TRIM24: variants seen among roughly 807,000 people sequenced by gnomAD.
TRIM24 encodes transcription intermediary factor 1-alpha.
TRIM24 carries 29 observed loss-of-function variants against 123.9 expected under a neutral mutation model. The ratio of observed to expected loss-of-function variants is 0.23; its 90% confidence interval spans 0.17 to 0.32. The LOEUF (loss-of-function observed/expected upper bound fraction) is 0.32, where lower values mean the gene tolerates loss of function less well. Among genes scored for constraint, TRIM24 ranks in the 10% least tolerant of loss-of-function variants. The pLI, the probability that TRIM24 is intolerant of heterozygous loss-of-function variation, is 1.00. For synonymous variants in TRIM24, 456 were observed against 461.1 expected, an observed-to-expected ratio of 0.99 and a Z score of 0.14; for missense variants, 932 against 1,295.3, an observed-to-expected ratio of 0.72 and a Z score of 4.31.
intron 12 of TRIM24, among the ~76,000 whole-genome samples, chr7:138,574,450 A>G (rs1445383843): frequency 6.6e-6 from 1 of 152,204 alleles, no homozygotes; most frequent in African/African-American, 2.4e-5. Flanking sequence ...TAGCAGAGAA[A>G]CTGTTTATCA....
At chr7:138,464,343 A>G (rs1388914936) in intron 1 of TRIM24, among the ~76,000 whole-genome samples, 1 of 151,914 alleles carries the variant, frequency 6.6e-6, no homozygotes, top group Non-Finnish European at 1.5e-5. Flanking sequence ...TGATCAAACC[A>G]GTTCTTCATT....
Position 138,504,351 on chromosome 7 carries a change from C to CT in TRIM24, c.432dup (p.Val145CysfsTer6). On this transcript the variant is annotated frameshift_variant, in exon 2 of 19. Coordinates refer to ENST00000343526, the MANE Select transcript of TRIM24 (RefSeq NM_015905.3). LOFTEE classifies it high-confidence loss of function. The stretch of plus-strand genomic sequence containing the variant: ...GTGCAGAGAGACACATCATAGATAA[C>CT]TTTTTTGTGAAGGACACTACTGAGG... The CT allele has an allele frequency of 6.3e-7, 1 of 1,598,404 alleles. No homozygotes were observed. The highest frequency in any genetic ancestry group is 8.5e-7 in the Non-Finnish European group (1 of 1,172,638).
chr7:138,564,788 C>G (rs1214877581), intron 9 of TRIM24, among the ~76,000 whole-genome samples: 2 of 152,196 alleles, frequency 1.3e-5, no homozygotes, highest in Non-Finnish European at 2.9e-5. Context: ...GAGTTCTCAA[C>G]CTCTGAGGGG....
At chr7:138,536,793 G>A (rs1340916813) in intron 6 of TRIM24, among the ~76,000 whole-genome samples, 1 of 152,208 alleles carries the variant, frequency 6.6e-6, no homozygotes, top group Non-Finnish European at 1.5e-5. Flanking sequence ...CTTTTGTTTG[G>A]CTATGCCCTG....
chr7:138,555,407 A>G (rs754779872), intron 9 of TRIM24, among the ~76,000 whole-genome samples: 53 of 152,206 alleles, frequency 3.5e-4, no homozygotes, highest in Middle Eastern at 3.4e-3. Flanking sequence ...AGTGTGATTC[A>G]TTATAATCTA....
intron 3 of TRIM24, among the ~76,000 whole-genome samples, chr7:138,518,222 G>A (rs1796438895): frequency 6.6e-6 from 1 of 151,782 alleles, no homozygotes; most frequent in African/African-American, 2.4e-5. Flanking sequence ...AGTTAAGTGA[G>A]AAAAAAAATC....
At chr7:138,562,662 C>CT (rs1020309630) in intron 9 of TRIM24, among the ~76,000 whole-genome samples, 5 of 152,172 alleles carry the variant, frequency 3.3e-5, no homozygotes, top group African/African-American at 1.2e-4. Flanking sequence ...GCTCTACTAC[C>CT]ACTGGCATCT....
chr7:138,502,646 A>G (rs1422280391), intron 1 of TRIM24, among the ~76,000 whole-genome samples: 1 of 152,212 alleles, frequency 6.6e-6, no homozygotes, highest in African/African-American at 2.4e-5. Flanking sequence ...TTAATGTTTT[A>G]TAAAGAATGT....
At chr7:138,582,920 TG>T in intron 17 of TRIM24, among the ~76,000 whole-genome samples, 1 of 152,354 alleles carries the variant, frequency 6.6e-6, no homozygotes, top group African/African-American at 2.4e-5. Context: ...TCGAGAGGCT[TG>T]TAACAACATT....
intron 6 of TRIM24, among the ~76,000 whole-genome samples, chr7:138,532,225 TC>T (rs1796763446): frequency 6.6e-6 from 1 of 152,002 alleles, no homozygotes; most frequent in Admixed American, 6.5e-5. Context: ...TTTAATTAGA[TC>T]CCATTTGTCA....
chr7:138,518,301 A>G (rs1796440400), intron 3 of TRIM24, among the ~76,000 whole-genome samples: 1 of 152,198 alleles, frequency 6.6e-6, no homozygotes. Context: ...TACTATATGT[A>G]CTTCCATACT....
chr7:138,538,539 G>T, intron 6 of TRIM24, 118 bp from the exon 7 acceptor site: 1 of 1,149,386 alleles, frequency 8.7e-7, no homozygotes, highest in Non-Finnish European at 1.2e-6. Context: ...AGTATTTTTA[G>T]TTTCAGTAAA....
At chr7:138,547,891 G>A (rs562301051) in intron 7 of TRIM24, among the ~76,000 whole-genome samples, 4 of 152,264 alleles carry the variant, frequency 2.6e-5, no homozygotes, top group South Asian at 2.1e-4. Context: ...TGATCTGCCC[G>A]CCTTGGCGTC....
intron 7 of TRIM24, among the ~76,000 whole-genome samples, chr7:138,539,370 T>C (rs1473369545): frequency 6.6e-6 from 1 of 152,164 alleles, no homozygotes; most frequent in Non-Finnish European, 1.5e-5. Flanking sequence ...TTTGGTGAAC[T>C]ATTTGACATT....
chr7:138,473,720 T>C (rs1795328676), intron 1 of TRIM24, among the ~76,000 whole-genome samples: 1 of 152,274 alleles, frequency 6.6e-6, no homozygotes, highest in Non-Finnish European at 1.5e-5. Flanking sequence ...TTTCCATTTA[T>C]CTATCATGGA....
chr7:138,474,532 T>A (rs1268531178), intron 1 of TRIM24, among the ~76,000 whole-genome samples: 1 of 152,220 alleles, frequency 6.6e-6, no homozygotes, highest in African/African-American at 2.4e-5. Context: ...ATTTAAGAAA[T>A]CTTTGTCTAA....
chr7:138,509,784 A>G (rs13224474), intron 2 of TRIM24, among the ~76,000 whole-genome samples: 12 of 152,152 alleles, frequency 7.9e-5, no homozygotes. Context: ...AGATACAAAT[A>G]CAATTCTTAA....
intron 8 of TRIM24, among the ~76,000 whole-genome samples, chr7:138,552,137 C>T (rs1797225213): frequency 6.6e-6 from 1 of 152,014 alleles, no homozygotes; most frequent in Non-Finnish European, 1.5e-5. Context: ...GCATGCTATA[C>T]CGGTTTGTAG....
intron 7 of TRIM24, among the ~76,000 whole-genome samples, chr7:138,539,662 A>G (rs887296056): frequency 6.6e-6 from 1 of 152,166 alleles, no homozygotes; most frequent in Non-Finnish European, 1.5e-5. Context: ...AGTAAAGCAA[A>G]TATCATAATA....
Sources: gnomAD v4.1 joint callset for allele counts (sites outside exome capture counted in the v4.1 genomes callset) on GRCh38, gnomAD v4.1.1 for gene constraint, MANE v1.5 for transcripts, NCBI Gene and HGNC (gene_info 2026-07-23, HGNC 2026-07-21) for gene names.